Variants in ZRANB3 observed in about 807,000 individuals in gnomAD.
The protein encoded by ZRANB3 is zinc finger RANBP2-type containing 3.
Under a neutral mutation model 133.8 loss-of-function variants are expected in ZRANB3, and 125 were observed. That is an observed-to-expected ratio of 0.93 (90% CI 0.81 to 1.08). The LOEUF (loss-of-function observed/expected upper bound fraction) is 1.08. ZRANB3 is among the 50% of genes least tolerant of loss of function. ZRANB3 has a pLI of 0.00. For synonymous variants in ZRANB3, 387 were observed against 432.7 expected (o/e 0.89, Z 1.31); for missense variants, 1,229 against 1,275.5 (o/e 0.96, Z 0.56).
At chr2:135,459,274 T>C (rs1016608763) in intron 2 of ZRANB3, among the ~76,000 whole-genome samples, 2 of 152,194 alleles carry the variant, frequency 1.3e-5, no homozygotes, top group Non-Finnish European at 2.9e-5. Flanking sequence ...TACTCCCATA[T>C]ACATGAGATA....
intron 2 of ZRANB3, among the ~76,000 whole-genome samples, chr2:135,452,572 G>A (rs1369415020): frequency 6.6e-6 from 1 of 152,168 alleles, no homozygotes; most frequent in African/African-American, 2.4e-5. Flanking sequence ...ACAGGTATGG[G>A]GTAAATACAG....
intron 2 of ZRANB3, among the ~76,000 whole-genome samples, chr2:135,446,529 A>G (rs1229470358): frequency 6.6e-6 from 1 of 152,206 alleles, no homozygotes; most frequent in Non-Finnish European, 1.5e-5. Context: ...ATTTAAAGCT[A>G]GAATAATTGG....
At chr2:135,256,297 A>T (rs1423197141) in intron 12 of ZRANB3, among the ~76,000 whole-genome samples, 2 of 152,024 alleles carry the variant, frequency 1.3e-5, no homozygotes, top group African/African-American at 4.8e-5. Context: ...GCAAATTTTC[A>T]GGGTTCATCC....
chr2:135,251,438 G>C (rs1240958051), intron 12 of ZRANB3, among the ~76,000 whole-genome samples: 1 of 152,028 alleles, frequency 6.6e-6, no homozygotes, highest in African/African-American at 2.4e-5. Context: ...GATTTGGAGG[G>C]GCCAGGGGCG....
At chr2:135,286,062 T>G (rs971692125) in intron 8 of ZRANB3, among the ~76,000 whole-genome samples, 1 of 152,176 alleles carries the variant, frequency 6.6e-6, no homozygotes, top group Non-Finnish European at 1.5e-5. Context: ...AAATGTTCCA[T>G]TGTTTTATTA....
chr2:135,340,676 T>C (rs1246470886), intron 6 of ZRANB3, among the ~76,000 whole-genome samples: 1 of 152,000 alleles, frequency 6.6e-6, no homozygotes, highest in Non-Finnish European at 1.5e-5. Context: ...AAACCATGTA[T>C]TTTTTGTATT....
chr2:135,355,139 T>C lies in ZRANB3; in HGVS notation c.181-1511A>G, dbSNP rs562970328. 25 of 779,360 alleles carry C rather than the reference T, an allele frequency of 3.2e-5. No individual in the cohort carries two copies. In the African/African-American group the frequency reaches 4.5e-4, roughly 14 times the overall value. The allele number at this position is 779,360 out of a possible 1,614,324, so 48.3% of individuals were successfully genotyped here. ...AAGCAAGTTTCCATTGAGAAAACTTTATTATTTTGTTTATGTATTTTTCTT... is the reference window on the plus strand; with the variant it reads ...AAGCAAGTTTCCATTGAGAAAACTTCATTATTTTGTTTATGTATTTTTCTT... On this transcript the variant is annotated intron_variant, in intron 3 of 20. Transcript: ENST00000264159.
intron 1 of ZRANB3, among the ~76,000 whole-genome samples, chr2:135,506,689 C>G (rs1279182501): frequency 6.6e-6 from 1 of 152,204 alleles, no homozygotes; most frequent in Admixed American, 6.5e-5. Flanking sequence ...GAACATTTCT[C>G]TCTTCACTTA....
intron 8 of ZRANB3, among the ~76,000 whole-genome samples, chr2:135,302,559 T>A (rs1682484533): frequency 6.6e-6 from 1 of 150,578 alleles, no homozygotes; most frequent in Non-Finnish European, 1.5e-5. Flanking sequence ...GGAGTCTCGC[T>A]CTGTCACCCA....
chr2:135,273,526 C>G (rs970585079), intron 9 of ZRANB3, among the ~76,000 whole-genome samples: 3 of 151,968 alleles, frequency 2.0e-5, no homozygotes, highest in Non-Finnish European at 4.4e-5. Flanking sequence ...CCTCCAACCC[C>G]ATGAATATCT....
intron 1 of ZRANB3, among the ~76,000 whole-genome samples, chr2:135,520,804 T>G (rs1693905115): frequency 6.7e-6 from 1 of 148,726 alleles, no homozygotes; most frequent in Non-Finnish European, 1.5e-5. Flanking sequence ...AGGCTAATTG[T>G]TTTTTTTTTA....
chr2:135,248,789 C>T (rs1396332708), intron 12 of ZRANB3, among the ~76,000 whole-genome samples: 1 of 151,976 alleles, frequency 6.6e-6, no homozygotes, highest in African/African-American at 2.4e-5. Flanking sequence ...ACCTGTAGTA[C>T]CAGCTACTCA....
intron 4 of ZRANB3, among the ~76,000 whole-genome samples, chr2:135,350,755 T>C (rs1685168874): frequency 6.6e-6 from 1 of 151,938 alleles, no homozygotes; most frequent in African/African-American, 2.4e-5. Context: ...GACAGTGGAG[T>C]CCGAAGCTTT....
At position 135,272,654 on chromosome 2, in the gene ZRANB3, TC is replaced by T. The variant is rs898722042; in HGVS notation, c.1087-768del. Among the ~76,000 whole-genome samples, 48 of 151,836 alleles carry T rather than the reference TC, an allele frequency of 3.2e-4. 1 individual carries two copies. Among genetic ancestry groups the T allele is most frequent in the African/African-American group, 1.1e-3 (44 of 41,388 alleles). On this transcript the variant is annotated intron_variant, in intron 9 of 20. Coordinates refer to ENST00000264159, the MANE Select transcript of ZRANB3 (RefSeq NM_032143.4). ...GGTCTCCATCTCCTGACCTCGTGAT[TC>T]CCCCGCCTCATCGCTCCCGGCTGGA...
intron 12 of ZRANB3, among the ~76,000 whole-genome samples, chr2:135,251,352 G>A (rs1376485825): frequency 6.6e-6 from 1 of 152,132 alleles, no homozygotes; most frequent in Non-Finnish European, 1.5e-5. Flanking sequence ...TGGACTTCTG[G>A]GTTAATGCTG....
intron 2 of ZRANB3, among the ~76,000 whole-genome samples, chr2:135,469,991 G>A (rs1299574594): frequency 2.1e-5 from 3 of 144,840 alleles, no homozygotes; most frequent in Non-Finnish European, 4.5e-5. Context: ...CAGCCTGGGT[G>A]ACAGAGCGAG....
chr2:135,345,416 C>T (rs2104866185), intron 6 of ZRANB3, 134 bp downstream of exon 6: 1 of 601,020 alleles, frequency 1.7e-6, no homozygotes, highest in African/African-American at 1.9e-5. Context: ...TGTAGTGAGC[C>T]ATGATGGTGC....
intron 3 of ZRANB3, among the ~76,000 whole-genome samples, chr2:135,386,799 A>C (rs1686999773): frequency 6.6e-6 from 1 of 152,054 alleles, no homozygotes; most frequent in Non-Finnish European, 1.5e-5. Context: ...CAATGACAAC[A>C]ATTGGCCACA....
In ZRANB3 at chr2:135,198,194, A is replaced by C. The variant is rs1693482187; in HGVS notation, c.*2148T>G. 1 of 151,900 alleles carries C rather than the reference A, an allele frequency of 6.6e-6. No individual in the cohort carries two copies. Among genetic ancestry groups the C allele is most frequent in the African/African-American group, 2.4e-5 (1 of 41,320 alleles). The allele number at this position is 151,900 out of a possible 1,614,324, so 9.4% of individuals were successfully genotyped here. A position where few individuals can be genotyped will look rare whatever the true frequency, so the allele number is the denominator to read the frequency against. On this transcript the variant is annotated 3_prime_UTR_variant, in exon 21 of 21. Coordinates refer to ENST00000264159, the MANE Select transcript of ZRANB3 (RefSeq NM_032143.4). ...CTGTGTCCCTCTGTCATAACCTCCC[A>C]TTTGCAATACATAGTGGGGAGCTTC...
Sources: gnomAD v4.1 joint callset for allele counts (sites outside exome capture counted in the v4.1 genomes callset) on GRCh38, gnomAD v4.1.1 for gene constraint, MANE v1.5 for transcripts, NCBI Gene and HGNC (gene_info 2026-07-23, HGNC 2026-07-21) for gene names.